The following PLXNC1 variants were observed in gnomAD, a reference collection of about 807,000 sequenced individuals.
PLXNC1 encodes plexin-C1.
PLXNC1 carries 75 observed loss-of-function variants against 178.2 expected under a neutral mutation model. The observed-to-expected ratio is 0.42, with a 90% confidence interval of 0.35 to 0.51. The LOEUF (loss-of-function observed/expected upper bound fraction) is 0.51. PLXNC1 is among the 20% of genes least tolerant of loss of function. PLXNC1 has a pLI of 0.02. For synonymous variants in PLXNC1, 790 were observed against 779.9 expected (o/e 1.01, Z -0.22); for missense variants, 1,503 against 1,984.4 (o/e 0.76, Z 4.61).
intron 1 of PLXNC1, among the ~76,000 whole-genome samples, chr12:94,152,450 A>C (rs768612482): frequency 6.6e-6 from 1 of 152,212 alleles, no homozygotes; most frequent in Non-Finnish European, 1.5e-5. Flanking sequence ...ACCTTGTGTA[A>C]TGGGGTCATG....
intron 2 of PLXNC1, among the ~76,000 whole-genome samples, chr12:94,175,191 G>C (rs1962005289): frequency 1.3e-5 from 2 of 152,164 alleles, no homozygotes; most frequent in Non-Finnish European, 2.9e-5. Flanking sequence ...TTGTGTGTGT[G>C]TATGTGTGGT....
At position 94,306,330 on chromosome 12, in the gene PLXNC1, A is replaced by ATACAACTTGGTATC. The variant is rs1454137636; in HGVS notation, c.*1047_*1060dup. On this transcript the variant is annotated 3_prime_UTR_variant, in exon 31 of 31. Transcript: ENST00000258526. ...GGCCCAAGGCCTGAAAAATATTAGT[A>ATACAACTTGGTATC]TACAACTTGGTATCTTAGTCTTACT... 1 of 152,192 alleles carries ATACAACTTGGTATC rather than the reference A, an allele frequency of 6.6e-6. No individual in the cohort carries two copies. The highest frequency in any genetic ancestry group is 1.5e-5 in the Non-Finnish European group (1 of 68,036). The allele number at this position is 152,192 out of a possible 1,614,324, so 9.4% of individuals were successfully genotyped here.
chr12:94,156,807 A>G lies in PLXNC1; in HGVS notation c.1062+6774A>G, dbSNP rs1372932863. On this transcript the variant is annotated intron_variant, in intron 1 of 30. Transcript: ENST00000258526. ...ATTGCGGCCTCAAACTCTTGGGTTC[A>G]AGTGATCCTCCCACCTCAGCTTCCC... Among the ~76,000 whole-genome samples, 4 of 151,264 alleles carry G rather than the reference A, an allele frequency of 2.6e-5. No homozygotes were observed. In the East Asian group the frequency reaches 7.8e-4, roughly 29 times the overall value.
chr12:94,197,959 C>T (rs1244548895), intron 4 of PLXNC1, among the ~76,000 whole-genome samples: 1 of 152,130 alleles, frequency 6.6e-6, no homozygotes, highest in Non-Finnish European at 1.5e-5. Flanking sequence ...AAAGCTTAGG[C>T]AACCATGCAT....
chr12:94,294,928 A>G (rs1217717342), intron 24 of PLXNC1, among the ~76,000 whole-genome samples: 1 of 152,212 alleles, frequency 6.6e-6, no homozygotes, highest in Admixed American at 6.5e-5. Context: ...GCGCTGAACA[A>G]ACAAGATAAT....
intron 27 of PLXNC1, among the ~76,000 whole-genome samples, chr12:94,300,593 T>C (rs916599912): frequency 3.3e-5 from 5 of 152,056 alleles, no homozygotes; most frequent in Non-Finnish European, 5.9e-5. Flanking sequence ...CTGATAGTTA[T>C]GTGAGAACAA....
chr12:94,216,776 AAG>A (rs560642553), intron 5 of PLXNC1, among the ~76,000 whole-genome samples: 131 of 152,320 alleles, frequency 8.6e-4, no homozygotes, highest in Admixed American at 1.6e-3. Context: ...TCGATCTGAT[AAG>A]AGTGTTGTGC....
At chr12:94,222,247 G>T (rs758960174) in intron 6 of PLXNC1, among the ~76,000 whole-genome samples, 1 of 152,076 alleles carries the variant, frequency 6.6e-6, no homozygotes, top group South Asian at 2.1e-4. Flanking sequence ...GCCTCCATCC[G>T]TTGCACCCAA....
At chr12:94,258,281 G>A (rs749554558) in intron 17 of PLXNC1, among the ~76,000 whole-genome samples, 13 of 152,186 alleles carry the variant, frequency 8.5e-5, no homozygotes, top group Admixed American at 2.0e-4. Flanking sequence ...TAGGGTCTGG[G>A]GGTTTTTTTG....
chr12:94,223,926 C>G (rs996453741), intron 6 of PLXNC1, among the ~76,000 whole-genome samples: 2 of 152,058 alleles, frequency 1.3e-5, no homozygotes, highest in African/African-American at 4.8e-5. Flanking sequence ...ATAGTGATCC[C>G]TAGGAGAGTA....
At chr12:94,245,153 C>T (rs1401381660) in intron 12 of PLXNC1, among the ~76,000 whole-genome samples, 2 of 152,236 alleles carry the variant, frequency 1.3e-5, no homozygotes, top group Non-Finnish European at 2.9e-5. Flanking sequence ...CTCCAGGCCT[C>T]ATCTCCATGG....
chr12:94,268,588 C>CT (rs61265662), intron 21 of PLXNC1, among the ~76,000 whole-genome samples: 23,520 of 90,802 alleles, frequency 0.26, 3,414 homozygotes, highest in Non-Finnish European at 0.32. Context: ...AGAATAAGAC[C>CT]TTTTTTTTTT....
At chr12:94,289,908 T>A (rs1967113390) in intron 23 of PLXNC1, among the ~76,000 whole-genome samples, 1 of 152,268 alleles carries the variant, frequency 6.6e-6, no homozygotes. Context: ...TCTTGGGAGA[T>A]AATTTCAGAG....
intron 28 of PLXNC1, among the ~76,000 whole-genome samples, chr12:94,303,181 A>G (rs1968643186): frequency 6.6e-6 from 1 of 152,204 alleles, no homozygotes; most frequent in South Asian, 2.1e-4. Flanking sequence ...CCTCTGCAAA[A>G]TCACACATCA....
At chr12:94,279,925 A>G in intron 22 of PLXNC1, 5 of 572,006 alleles carry the variant, frequency 8.7e-6, no homozygotes, top group Non-Finnish European at 1.6e-5. Flanking sequence ...ATGAGATTGC[A>G]GGCCCTGAGA....
intron 14 of PLXNC1, among the ~76,000 whole-genome samples, chr12:94,249,928 T>TGTTGGGGG (rs879785177): frequency 1.2e-3 from 100 of 81,674 alleles, no homozygotes; most frequent in Middle Eastern, 6.5e-3. Flanking sequence ...AAAGCACCAG[T>TGTTGGGGG]GTGGGGGGGT....
intron 21 of PLXNC1, among the ~76,000 whole-genome samples, chr12:94,274,390 T>C (rs190234074): frequency 9.2e-5 from 14 of 152,202 alleles, no homozygotes; most frequent in Admixed American, 9.2e-4. Context: ...CTGGGTTACA[T>C]GACCAGTCCC....
chr12:94,304,083 T>G (rs1968758514), intron 30 of PLXNC1, 32 bp downstream of exon 30: 1 of 1,289,848 alleles, frequency 7.8e-7, no homozygotes, highest in South Asian at 1.2e-5. Context: ...TTTTTAACCT[T>G]TGAATCAGGC....
intron 11 of PLXNC1, among the ~76,000 whole-genome samples, chr12:94,242,565 G>A (rs1448607029): frequency 1.3e-5 from 2 of 152,080 alleles, no homozygotes; most frequent in South Asian, 2.1e-4. Context: ...CCATTCTGAG[G>A]CACTGGGAGT....
Sources: allele counts gnomAD v4.1 joint callset (sites outside exome capture counted in the v4.1 genomes callset), GRCh38; gene constraint gnomAD v4.1.1; transcripts MANE v1.5; gene names NCBI Gene and HGNC (gene_info 2026-07-23, HGNC 2026-07-21).